Variants in NUP205 observed in about 807,000 individuals in gnomAD.
NUP205 encodes the protein nucleoporin 205.
Under a neutral mutation model 253.8 loss-of-function variants are expected in NUP205, and 76 were observed. The ratio of observed to expected loss-of-function variants is 0.30; its 90% CI spans 0.25 to 0.36. The LOEUF (loss-of-function observed/expected upper bound fraction) is 0.36. Among genes scored for constraint, NUP205 ranks in the 10% least tolerant of loss-of-function variants. The pLI is 1.00. For missense variants in NUP205, 2,162 were observed against 2,425.5 expected (o/e 0.89, Z 2.28); for synonymous variants, 832 against 850.1 (o/e 0.98, Z 0.37).
chr7:135,597,047 G>C (rs1053530287), intron 13 of NUP205, among the ~76,000 whole-genome samples: 1 of 151,658 alleles, frequency 6.6e-6, no homozygotes, highest in Non-Finnish European at 1.5e-5. Flanking sequence ...CCAGTATCTT[G>C]AACACTGGTG....
At chr7:135,590,873 C>A (rs1203919947) in intron 10 of NUP205, among the ~76,000 whole-genome samples, 1 of 152,092 alleles carries the variant, frequency 6.6e-6, no homozygotes, top group Non-Finnish European at 1.5e-5. Context: ...TATTTCCAGA[C>A]ATCTGTAGTG....
chr7:135,607,120 A>T, intron 21 of NUP205, 127 bp from the exon 22 acceptor site: 1 of 1,273,088 alleles, frequency 7.9e-7, no homozygotes, highest in South Asian at 1.5e-5. Context: ...ATTTTCTGTT[A>T]TCAGTATTTG....
Position 135,622,857 on chromosome 7 carries a change from G to C in NUP205, c.4411G>C (p.Glu1471Gln), listed in dbSNP as rs201414762. 23 of 1,613,946 alleles carry C rather than the reference G, an allele frequency of 1.4e-5. No homozygotes were observed. Among genetic ancestry groups the C allele is most frequent in the Non-Finnish European group, 1.9e-5 (23 of 1,179,958 alleles). ...KLQRENIAII[E>Q]SYGAALMEVV... ...ACAGCGAGAAAACATAGCCATTATT[G>C]AAAGTTATGGCGCCGCCCTCATGGA... Residue 1471 changes from glutamate (E) to glutamine (Q), a missense_variant, in exon 31 of 43, where the codon GAA becomes CAA. Physicochemically the swap from Glu to Gln is conservative, Grantham distance 29 (BLOSUM62 2). Around this residue, in one of 5 missense-constraint regions of NUP205, gnomAD observed 1,144 missense variants for 1,280.9 expected, o/e 0.89. Coordinates refer to ENST00000285968, the MANE Select transcript of NUP205 (RefSeq NM_015135.3).
chr7:135,636,784 T>C (rs1794818857), intron 36 of NUP205, among the ~76,000 whole-genome samples: 1 of 152,114 alleles, frequency 6.6e-6, no homozygotes, highest in African/African-American at 2.4e-5. Flanking sequence ...GGTGGGTGGA[T>C]CGCTTGAGGC....
chr7:135,595,123 A>G (rs1793794502), intron 13 of NUP205, among the ~76,000 whole-genome samples: 1 of 152,040 alleles, frequency 6.6e-6, no homozygotes, highest in South Asian at 2.1e-4. Flanking sequence ...TTCCTGCCCT[A>G]TACCAGAAGA....
intron 6 of NUP205, among the ~76,000 whole-genome samples, chr7:135,578,300 C>T (rs1489287464): frequency 1.3e-5 from 2 of 152,144 alleles, no homozygotes; most frequent in Non-Finnish European, 2.9e-5. Context: ...TACTTAATTG[C>T]TTGTTTCTTT....
rs774871625 is a variant in NUP205, at chr7:135,594,683, C to G, written c.1967C>G (p.Ser656Cys). ...AAGACACTCGCAGCTTTTGGAAAATCTCCTGAAATTGCTGCTTCCCTCTGG... is the reference window on the plus strand; with the variant it reads ...AAGACACTCGCAGCTTTTGGAAAATGTCCTGAAATTGCTGCTTCCCTCTGG... The part of the protein sequence containing the change: ...LLKTLAAFGK[S>C]PEIAASLWQS... The change falls in exon 13 of 43, where the codon TCT (serine) becomes TGT (cysteine). Residue 656 changes from serine to cysteine, a missense_variant. Around this residue, in one of 5 missense-constraint regions of NUP205, gnomAD observed 892 missense variants for 957.1 expected, o/e 0.93. Coordinates refer to ENST00000285968, the MANE Select transcript of NUP205 (RefSeq NM_015135.3). 5.6e-6 allele frequency: 9 copies of G among 1,613,804 alleles called. No homozygotes were observed. The Middle Eastern group carries it at 9.9e-4, about 178-fold the overall frequency.
chr7:135,569,018 ATTGT>A (rs767668536), intron 1 of NUP205, among the ~76,000 whole-genome samples: 20 of 151,912 alleles, frequency 1.3e-4, no homozygotes, highest in Admixed American at 2.6e-4. Flanking sequence ...TAAGACAAAG[ATTGT>A]TTGTCTTATC....
chr7:135,594,492 C>T, intron 12 of NUP205, 55 bp from the exon 13 acceptor site: 1 of 1,373,470 alleles, frequency 7.3e-7, no homozygotes, highest in Non-Finnish European at 1.0e-6. Context: ...GATTGCTGGT[C>T]ATTTTAATAA....
intron 8 of NUP205, 90 bp from the exon 9 acceptor site, chr7:135,587,485 G>A (rs1425513754): frequency 5.2e-6 from 3 of 580,266 alleles, no homozygotes; most frequent in African/African-American, 3.8e-5. Flanking sequence ...ATTCTTGTAT[G>A]TAGTCACTTT....
At chr7:135,567,789 A>G (rs1231368577) in intron 1 of NUP205, among the ~76,000 whole-genome samples, 1 of 152,308 alleles carries the variant, frequency 6.6e-6, no homozygotes, top group Non-Finnish European at 1.5e-5. Flanking sequence ...GGCTATAGTT[A>G]GTTCTAAGTT....
rs776383140 is a variant in NUP205 at position 135,604,322 on chromosome 7, G to A, written c.2703-18G>A. 51 of 1,579,238 alleles carry A rather than the reference G, an allele frequency of 3.2e-5. No individual in the cohort carries two copies. The highest frequency in any genetic ancestry group is 6.7e-5 in the East Asian group (3 of 44,550). ...AAAATTTTATCACTGTTCCTCAAAT[G>A]TTTTCTTTTCTTTAAAGATACCTAT... On this transcript the variant is annotated intron_variant, in intron 18 of 42. Transcript: ENST00000285968.
intron 38 of NUP205, among the ~76,000 whole-genome samples, chr7:135,641,091 A>G (rs1794908348): frequency 6.6e-6 from 1 of 152,206 alleles, no homozygotes; most frequent in South Asian, 2.1e-4. Flanking sequence ...GGGGGATTCC[A>G]ATATCTGCAT....
intron 7 of NUP205, among the ~76,000 whole-genome samples, chr7:135,582,102 A>G (rs1010590339): frequency 6.6e-6 from 1 of 152,138 alleles, no homozygotes; most frequent in Non-Finnish European, 1.5e-5. Flanking sequence ...CCTGGCCAAC[A>G]GGGCGAAACC....
chr7:135,570,121 C>T lies in NUP205; in HGVS notation c.29-984C>T, dbSNP rs1479267554. Among the ~76,000 whole-genome samples, 3 of 137,064 alleles carry T rather than the reference C, an allele frequency of 2.2e-5. No individual in the cohort carries two copies. In the Admixed American group the frequency reaches 2.3e-4, roughly 11 times the overall value. 89.9% of individuals were successfully genotyped at this position (137,064 alleles called of 152,430 possible). On this transcript the variant is annotated intron_variant, in intron 1 of 42. Coordinates refer to ENST00000285968, the MANE Select transcript of NUP205 (RefSeq NM_015135.3). ...AACTGAAGTTTAAAGAGGTTATTTC[C>T]CTTGTTCCAGTAGACATAGCTAATG...
Position 135,600,037 on chromosome 7 carries a change from T to G in NUP205, c.2275-833T>G, listed in dbSNP as rs142182807. On this transcript the variant is annotated intron_variant, in intron 15 of 42. Coordinates refer to ENST00000285968, the MANE Select transcript of NUP205 (RefSeq NM_015135.3). ...ATTTAAAAGTCACTTTATAGTCCCA[T>G]TTTCTAACTCAACCTTGATACAATT... Among the ~76,000 whole-genome samples, 86 of 152,328 alleles carry G rather than the reference T, an allele frequency of 5.6e-4. 2 individuals are homozygous for G. In the South Asian group the frequency reaches 8.9e-3, roughly 16 times the overall value.
intron 22 of NUP205, among the ~76,000 whole-genome samples, chr7:135,610,726 G>GA (rs1327622658): frequency 6.6e-6 from 1 of 152,068 alleles, no homozygotes; most frequent in Non-Finnish European, 1.5e-5. Context: ...CCCTGCTTCA[G>GA]AAAAAAATTT....
At chr7:135,562,611 G>C (rs11560341) in intron 1 of NUP205, among the ~76,000 whole-genome samples, 33,370 of 145,022 alleles carry the variant, frequency 0.23, 4,396 homozygotes, top group East Asian at 0.5. Flanking sequence ...GCAGTGGCGC[G>C]ATCTTGGCTC....
At chr7:135,625,667 G>C (rs1794574910) in intron 32 of NUP205, among the ~76,000 whole-genome samples, 1 of 152,170 alleles carries the variant, frequency 6.6e-6, no homozygotes, top group African/African-American at 2.4e-5. Flanking sequence ...TTAGACTATA[G>C]TAGTTGCCTA....
Sources: gnomAD v4.1 joint callset for allele counts (sites outside exome capture counted in the v4.1 genomes callset) on GRCh38, gnomAD v4.1.1 for gene constraint, gnomAD v4.1.1 regional missense constraint, MANE v1.5 for transcripts, NCBI Gene and HGNC (gene_info 2026-07-23, HGNC 2026-07-21) for gene names.